Variants in CRMP1 observed in about 807,000 individuals in gnomAD.
CRMP1 encodes the protein collapsin response mediator protein 1, also known as dihydropyrimidinase-related protein 1.
CRMP1 carries 19 observed loss-of-function variants against 68.3 expected under a neutral mutation model. That is an observed-to-expected ratio of 0.28 (90% CI 0.19 to 0.41). The LOEUF (loss-of-function observed/expected upper bound fraction) is 0.41, where lower values mean the gene tolerates loss of function less well. Ranked by LOEUF, CRMP1 falls within the 10% of genes least tolerant of loss-of-function variation. CRMP1 has a pLI of 1.00. For missense variants in CRMP1, 791 were observed against 967.4 expected (o/e 0.82, Z 2.42); for synonymous variants, 439 against 399.6 (o/e 1.10, Z -1.18).
intron 4 of CRMP1, among the ~76,000 whole-genome samples, chr4:5,852,808 G>T (rs1577792357): frequency 1.3e-5 from 2 of 152,246 alleles, no homozygotes; most frequent in Non-Finnish European, 1.5e-5. Context: ...GATGCATGGG[G>T]GGGTTGCATC....
intron 6 of CRMP1, among the ~76,000 whole-genome samples, chr4:5,845,754 G>A (rs1712143828): frequency 6.6e-6 from 1 of 152,238 alleles, no homozygotes. Flanking sequence ...ATATCTAAAT[G>A]TGTGGAAGAG....
chr4:5,837,161 T>C (rs1720778249), intron 9 of CRMP1, among the ~76,000 whole-genome samples: 1 of 152,170 alleles, frequency 6.6e-6, no homozygotes, highest in Non-Finnish European at 1.5e-5. Flanking sequence ...CATAAGGCAG[T>C]TGGCTTAAGG....
chr4:5,880,340 G>A (rs917995765), intron 1 of CRMP1, among the ~76,000 whole-genome samples: 7 of 152,288 alleles, frequency 4.6e-5, no homozygotes, highest in Middle Eastern at 3.4e-3. Flanking sequence ...TCAAACATTT[G>A]CTGAGATTTT....
At chr4:5,836,549 A>G (rs1355994044) in intron 10 of CRMP1, among the ~76,000 whole-genome samples, 2 of 152,224 alleles carry the variant, frequency 1.3e-5, no homozygotes, top group Non-Finnish European at 2.9e-5. Context: ...CTTAAGATGT[A>G]AAGGACAAGG....
chr4:5,849,349 G>C (rs577069160), intron 6 of CRMP1, 43 bp downstream of exon 6: 15 of 1,487,426 alleles, frequency 1.0e-5, no homozygotes, highest in South Asian at 8.0e-5. Flanking sequence ...GCAACAAGGA[G>C]AATCAGACTG....
At chr4:5,829,073 A>T (rs981262314) in intron 11 of CRMP1, among the ~76,000 whole-genome samples, 1 of 152,216 alleles carries the variant, frequency 6.6e-6, no homozygotes, top group African/African-American at 2.4e-5. Flanking sequence ...GGGTGAAAGA[A>T]TAGAGCTGTT....
chr4:5,841,546 G>T lies in CRMP1; in HGVS notation c.1033-118C>A. 6.7e-7 allele frequency: 1 copy of T among 1,495,832 alleles called. No individual in the cohort carries two copies. The highest frequency in any genetic ancestry group is 1.3e-5 in the South Asian group (1 of 79,102). The allele number at this position is 1,495,832 out of a possible 1,614,324, so 92.7% of individuals were successfully genotyped here. A position where few individuals can be genotyped will look rare whatever the true frequency, so the allele number is the denominator to read the frequency against. On this transcript the variant is annotated intron_variant, in intron 7 of 13. Coordinates refer to ENST00000324989, the MANE Select transcript of CRMP1 (RefSeq NM_001014809.3). This position sits in a 1 kb window ranked among gnomAD's most constrained non-coding sequence, Gnocchi z 6.9. ...GAAATCTGCTCCATTGAATGAGAAGGACATACTGAGTCCAACAGCGCTTGA... is the reference window on the plus strand; with the variant it reads ...GAAATCTGCTCCATTGAATGAGAAGTACATACTGAGTCCAACAGCGCTTGA...
rs543316919 is a variant in CRMP1 at position 5,872,693 on chromosome 4, C to T, written c.382-5937G>A. 2.0e-5 allele frequency among the ~76,000 whole-genome samples: 3 copies of T among 152,272 alleles called. No individual in the cohort carries two copies. In the South Asian group the frequency reaches 6.2e-4, roughly 32 times the overall value. ...CAGAGCGAGACTCCATCTCAAAAAA[C>T]AATTATTATGTATAAACCTTGAAGA... On this transcript the variant is annotated intron_variant, in intron 1 of 13. Transcript: ENST00000324989. The surrounding 1 kb of genome is among the most constrained non-coding windows in gnomAD (Gnocchi z 4.6).
At position 5,842,045 on chromosome 4, in the gene CRMP1, C is replaced by G. The variant is rs1270149663; in HGVS notation, c.1033-617G>C. ...ACGAGGTCAGGAGATCGAGACCATC[C>G]TGGCTAACACGGTGAAACCCTGTCT... is the stretch of plus-strand genomic sequence containing the variant. On this transcript the variant is annotated intron_variant, in intron 7 of 13. Transcript: ENST00000324989. The surrounding 1 kb of genome is among the most constrained non-coding windows in gnomAD (Gnocchi z 4.5). Among the ~76,000 whole-genome samples the G allele has an allele frequency of 6.6e-6, 1 of 152,192 alleles. No homozygotes were observed. The highest frequency in any genetic ancestry group is 1.9e-4 in the East Asian group (1 of 5,194).
At chr4:5,849,295 T>C in intron 6 of CRMP1, 97 bp downstream of exon 6, 1 of 972,788 alleles carries the variant, frequency 1.0e-6, no homozygotes, top group African/African-American at 1.6e-5. Flanking sequence ...GACCTTTCAT[T>C]GTACAGCCTC....
At chr4:5,868,294 T>TATATATATATATATATATATAGATAG (rs1714180668) in intron 1 of CRMP1, among the ~76,000 whole-genome samples, 1 of 126,778 alleles carries the variant, frequency 7.9e-6, no homozygotes, top group Non-Finnish European at 1.7e-5. Flanking sequence ...TATATATATA[T>TATATATATATATATATATATAGATAG]ATATATATAC....
rs554493564 is a variant in CRMP1, at chr4:5,865,648, G to A, written c.470+1020C>T. The stretch of plus-strand genomic sequence containing the variant: ...AAAAAAAAAAAAAAAGAAGGCCGCC[G>A]CCTACAGACCCCTGCCTGGCGTTAT... On this transcript the variant is annotated intron_variant, in intron 2 of 13. Transcript: ENST00000324989. This position sits in a 1 kb window ranked among gnomAD's most constrained non-coding sequence, Gnocchi z 4.1. Among the ~76,000 whole-genome samples, 322 of 150,124 alleles carry A rather than the reference G, an allele frequency of 2.1e-3. 3 individuals carry two copies. Among genetic ancestry groups the A allele is most frequent in the African/African-American group, 6.8e-3 (279 of 40,906 alleles).
chr4:5,887,630 G>A, intron 1 of CRMP1: 1 of 985,084 alleles, frequency 1.0e-6, no homozygotes, highest in Non-Finnish European at 1.2e-6. Flanking sequence ...CCCTTCCCGG[G>A]CCGCAGCCGC....
Position 5,854,429 on chromosome 4 carries a change from G to C in CRMP1, c.820+1714C>G, listed in dbSNP as rs1171001683. 1.6e-5 allele frequency among the ~76,000 whole-genome samples: 2 copies of C among 128,520 alleles called. No homozygotes were observed. The highest frequency in any genetic ancestry group is 8.2e-5 in the Admixed American group (1 of 12,212). The allele number at this position is 128,520 out of a possible 152,430, so 84.3% of individuals were successfully genotyped here. On this transcript the variant is annotated intron_variant, in intron 4 of 13. Coordinates refer to ENST00000324989, the MANE Select transcript of CRMP1 (RefSeq NM_001014809.3). The surrounding 1 kb of genome is among the most constrained non-coding windows in gnomAD (Gnocchi z 4.0). ...TTTTTTTTTTTTTTTTTTTTTAATA[G>C]AGTCGTGGTCTCACTATGTTGCCCA... is the stretch of plus-strand genomic sequence containing the variant.
Position 5,841,200 on chromosome 4 carries a change from C to G in CRMP1, c.1153+108G>C. On this transcript the variant is annotated intron_variant, in intron 8 of 13. Transcript: ENST00000324989. The surrounding 1 kb of genome is among the most constrained non-coding windows in gnomAD (Gnocchi z 6.9). The stretch of plus-strand genomic sequence containing the variant: ...TCAGGAGCATCCCCGCTCCACCCCT[C>G]CCTCCTCCGGCTGCCTGTCTGAGTT... 4.5e-6 allele frequency: 7 copies of G among 1,564,574 alleles called. No homozygotes were observed. The highest frequency in any genetic ancestry group is 6.1e-6 in the Non-Finnish European group (7 of 1,140,778).
chr4:5,863,038 C>T (rs1224592571), intron 2 of CRMP1, among the ~76,000 whole-genome samples: 1 of 151,944 alleles, frequency 6.6e-6, no homozygotes, highest in Non-Finnish European at 1.5e-5. Flanking sequence ...ATCTTGAACT[C>T]CTGAGCTCAA....
Position 5,872,018 on chromosome 4 carries a change from A to G in CRMP1, c.382-5262T>C, listed in dbSNP as rs1328289667. On this transcript the variant is annotated intron_variant, in intron 1 of 13. Transcript: ENST00000324989. This position sits in a 1 kb window ranked among gnomAD's most constrained non-coding sequence, Gnocchi z 4.6. Reference sequence around the variant, plus strand: ...CACAACCAGTAAGGATGCAGGCTAGAGCCAAGGGTTCCTAATGGCCTGTCC... The same window carrying G: ...CACAACCAGTAAGGATGCAGGCTAGGGCCAAGGGTTCCTAATGGCCTGTCC... 6.6e-6 allele frequency among the ~76,000 whole-genome samples: 1 copy of G among 152,198 alleles called. No homozygotes were observed. The highest frequency in any genetic ancestry group is 1.5e-5 in the Non-Finnish European group (1 of 68,018).
chr4:5,827,357 C>T (rs1327476671), intron 12 of CRMP1, among the ~76,000 whole-genome samples: 1 of 152,182 alleles, frequency 6.6e-6, no homozygotes, highest in Non-Finnish European at 1.5e-5. Context: ...CTTGTTTCCA[C>T]CCCATCCCTT....
At chr4:5,851,270 C>T in intron 5 of CRMP1, 138 bp downstream of exon 5, 3 of 783,342 alleles carry the variant, frequency 3.8e-6, no homozygotes, top group African/African-American at 1.7e-5. Flanking sequence ...CACCGTATCA[C>T]ACAGCCATTC....
Sources: allele counts gnomAD v4.1 joint callset (sites outside exome capture counted in the v4.1 genomes callset), GRCh38; gene constraint gnomAD v4.1.1; non-coding constraint Gnocchi (gnomAD v3.1); transcripts MANE v1.5; gene names NCBI Gene and HGNC (gene_info 2026-07-23, HGNC 2026-07-21).